Variants in ALDH3A1 observed in about 807,000 individuals in gnomAD.
ALDH3A1 encodes the protein aldehyde dehydrogenase 3 family member A1.
In ALDH3A1, 46 loss-of-function variants were observed where a neutral mutation model predicts 49.9. The observed-to-expected ratio is 0.92, with a 90% CI of 0.73 to 1.18. The LOEUF (loss-of-function observed/expected upper bound fraction) is 1.18, where lower values mean the gene tolerates loss of function less well. Ranked by LOEUF, ALDH3A1 falls within the 50% of genes most tolerant of loss-of-function variation. The probability of loss-of-function intolerance (pLI) is 0.00; values close to 1 mark genes in which losing one functional copy is unlikely to be tolerated. For synonymous variants in ALDH3A1, 269 were observed against 253.3 expected, an observed-to-expected ratio of 1.06 and a Z score of -0.59; for missense variants, 592 against 611.8, an observed-to-expected ratio of 0.97 and a Z score of 0.34.
At chr17:19,742,399 G>C in intron 4 of ALDH3A1, 146 bp downstream of exon 4, 1 of 1,106,960 alleles carries the variant, frequency 9.0e-7, no homozygotes, top group East Asian at 2.5e-5. Flanking sequence ...ACCCCAATGA[G>C]AGAGGGCAGC....
rs3744695 is a variant in ALDH3A1, at chr17:19,739,703, C to T, written c.950-29G>A. 8,212 of 1,611,126 alleles carry T rather than the reference C, an allele frequency of 5.1e-3. 285 individuals carry two copies. In the East Asian group the frequency reaches 0.097, roughly 19 times the overall value. ...AGGCAGGAAACAAGCCAGAGTTGGA[C>T]GGCGCAGAGACCCCCACGCGGATGG... is the stretch of plus-strand genomic sequence containing the variant. On this transcript the variant is annotated intron_variant, in intron 7 of 10. Coordinates refer to ENST00000225740, the MANE Select transcript of ALDH3A1 (RefSeq NM_000691.5).
At chr17:19,746,202 A>G (rs963437920) in intron 1 of ALDH3A1, among the ~76,000 whole-genome samples, 2 of 152,222 alleles carry the variant, frequency 1.3e-5, no homozygotes, top group African/African-American at 4.8e-5. Context: ...CAGCCTGGCC[A>G]ACATGGTGAA....
At position 19,740,394 on chromosome 17, in the gene ALDH3A1, C is replaced by A; in HGVS notation, c.891G>T (p.Leu297=). The A allele has an allele frequency of 6.2e-7, 1 of 1,614,138 alleles. No individual in the cohort carries two copies. Among genetic ancestry groups the A allele is most frequent in the South Asian group, 1.1e-5 (1 of 91,078 alleles). ...SARHFQRVMG[L]IEGQKVAYGG... Reference sequence around the variant, plus strand: ...CATAAGCCACCTTCTGGCCCTCAATCAGGCCCATCACCCTCTGGAAGTGCC... The same window carrying A: ...CATAAGCCACCTTCTGGCCCTCAATAAGGCCCATCACCCTCTGGAAGTGCC... The change falls in exon 7 of 11, where the codon CTG becomes CTT. Residue 297 remains leucine, a synonymous_variant. Coordinates refer to ENST00000225740, the MANE Select transcript of ALDH3A1 (RefSeq NM_000691.5).
At chr17:19,745,321 G>T (rs1327561105) in intron 1 of ALDH3A1, 187 bp from the exon 2 acceptor site, 1 of 583,844 alleles carries the variant, frequency 1.7e-6, no homozygotes, top group East Asian at 3.5e-5. Flanking sequence ...GGCCCTGGCT[G>T]CCTTGCTAGC....
At chr17:19,744,895 T>TCGCCCCCC in intron 2 of ALDH3A1, 73 bp downstream of exon 2, 1 of 924,176 alleles carries the variant, frequency 1.1e-6, no homozygotes, top group Non-Finnish European at 1.4e-6. Context: ...GGTCGCACTC[T>TCGCCCCCC]CCCCAGCCCC....
chr17:19,743,768 A>G lies in ALDH3A1; in HGVS notation c.163-305T>C. The G allele has an allele frequency of 1.1e-6, 1 of 940,020 alleles. No individual in the cohort carries two copies. Among genetic ancestry groups the G allele is most frequent in the Non-Finnish European group, 1.2e-6 (1 of 814,748 alleles). 58.2% of individuals were successfully genotyped at this position (940,020 alleles called of 1,614,324 possible). A position where few individuals can be genotyped will look rare whatever the true frequency, so the allele number is the denominator to read the frequency against. On this transcript the variant is annotated intron_variant, in intron 2 of 10. Coordinates refer to ENST00000225740, the MANE Select transcript of ALDH3A1 (RefSeq NM_000691.5). The surrounding 1 kb of genome is among the most constrained non-coding windows in gnomAD (Gnocchi z 4.4). The stretch of plus-strand genomic sequence containing the variant: ...CCAGGTAGGGGGAATAGAGCCGGGC[A>G]GGGGAGAGTAGATTCAGGCAGTGGG...
chr17:19,744,339 G>A, intron 2 of ALDH3A1: 2 of 865,582 alleles, frequency 2.3e-6, no homozygotes, highest in Non-Finnish European at 2.8e-6. Flanking sequence ...GGAGGCGGAG[G>A]TTGCAGTGAG....
rs376465259 is a variant in ALDH3A1, at chr17:19,743,183, C to T, written c.394+49G>A. On this transcript the variant is annotated intron_variant, in intron 3 of 10. Coordinates refer to ENST00000225740, the MANE Select transcript of ALDH3A1 (RefSeq NM_000691.5). The surrounding 1 kb of genome is among the most constrained non-coding windows in gnomAD (Gnocchi z 4.4). ...CTGAGCCCATCCTGGCTTGGCTCCA[C>T]GCTGGGGGACGGTGCTCCCCCAGCT... 21 of 1,605,732 alleles carry T rather than the reference C, an allele frequency of 1.3e-5. No homozygotes were observed. The highest frequency in any genetic ancestry group is 6.7e-5 in the African/African-American group (5 of 74,896).
intron 7 of ALDH3A1, 25 bp downstream of exon 7, chr17:19,740,311 G>T: frequency 6.2e-7 from 1 of 1,610,678 alleles, no homozygotes. Flanking sequence ...GGGCAGGTGG[G>T]CTGTGCTCTT....
At chr17:19,741,362 C>T in intron 5 of ALDH3A1, 152 bp from the exon 6 acceptor site, 1 of 618,166 alleles carries the variant, frequency 1.6e-6, no homozygotes, top group Non-Finnish European at 2.9e-6. Context: ...CTTCTAGACA[C>T]TGGACCGAGC....
chr17:19,740,796 C>T (rs1342224790), intron 6 of ALDH3A1, among the ~76,000 whole-genome samples: 7 of 152,094 alleles, frequency 4.6e-5, no homozygotes, highest in Non-Finnish European at 1.0e-4. Flanking sequence ...GCTGAGACAA[C>T]AGGCATGCAC....
intron 5 of ALDH3A1, among the ~76,000 whole-genome samples, chr17:19,741,631 C>T (rs1172503440): frequency 6.6e-6 from 1 of 152,186 alleles, no homozygotes; most frequent in South Asian, 2.1e-4. Flanking sequence ...CCCTCTGGGC[C>T]TGCTCTCCAG....
chr17:19,744,976 G>T lies in ALDH3A1; in HGVS notation c.154C>A (p.Leu52Met), dbSNP rs2086573729. The T allele has an allele frequency of 1.3e-6, 2 of 1,571,078 alleles. No individual in the cohort carries two copies. Among genetic ancestry groups the T allele is most frequent in the African/African-American group, 1.4e-5 (1 of 72,062 alleles). ...CCGCCCAGCCTGAGCACCTTGTGCAGGTCTGCGGCCAGCGCGCCCACCAGC... is the reference window on the plus strand; with the variant it reads ...CCGCCCAGCCTGAGCACCTTGTGCATGTCTGCGGCCAGCGCGCCCACCAGC... ...QELVGALAAD[L>M]HKNEWNAYYE... The change falls in exon 2 of 11, where the codon CTG becomes ATG. Residue 52 changes from leucine (L) to methionine (M), a missense_variant. By Grantham distance (15) the Leu-to-Met change is conservative. Coordinates refer to ENST00000225740, the MANE Select transcript of ALDH3A1 (RefSeq NM_000691.5).
At chr17:19,745,217 A>T in intron 1 of ALDH3A1, 83 bp from the exon 2 acceptor site, 3 of 1,394,160 alleles carry the variant, frequency 2.2e-6, no homozygotes, top group Non-Finnish European at 1.9e-6. Context: ...ATAGGAAGGG[A>T]CTTCCCTGGG....
chr17:19,741,125 G>T lies in ALDH3A1; in HGVS notation c.775C>A (p.Gln259Lys). The change falls in exon 6 of 11, where the codon CAA becomes AAA. Residue 259 changes from glutamine to lysine, a missense_variant. Physicochemically the swap from Gln to Lys is moderately conservative, Grantham distance 53. Transcript: ENST00000225740. ...YILCDPSIQN[Q>K]IVEKLKKSLK... ...GACTTCTTGAGCTTCTCCACAATTT[G>T]GTTCTGGATCGAGGGGTCACAGAGG... The T allele has an allele frequency of 6.2e-7, 1 of 1,614,068 alleles. No homozygotes were observed. Among genetic ancestry groups the T allele is most frequent in the South Asian group, 1.1e-5 (1 of 91,058 alleles).
Position 19,739,504 on chromosome 17 carries a change from C to T in ALDH3A1, c.1116+4G>A. 6.2e-7 allele frequency: 1 copy of T among 1,606,636 alleles called. No individual in the cohort carries two copies. Among genetic ancestry groups the T allele is most frequent in the Non-Finnish European group, 8.5e-7 (1 of 1,177,240 alleles). ...GCAGAGGGCACCCCAGGCCCACCAC[C>T]CACCTTGTCGTTGCTGGAGAACATG... On this transcript the variant is annotated splice_donor_region_variant and intron_variant, in intron 8 of 10. Transcript: ENST00000225740.
Position 19,742,527 on chromosome 17 carries a change from C to T in ALDH3A1, c.480+18G>A. 6.2e-7 allele frequency: 1 copy of T among 1,609,050 alleles called. No individual in the cohort carries two copies. Among genetic ancestry groups the T allele is most frequent in the Non-Finnish European group, 8.5e-7 (1 of 1,176,762 alleles). ...GTTATGAGGCCATGGAGTTACGAGG[C>T]CCTGGAGGGCAACTCACCTTGTCCA... On this transcript the variant is annotated intron_variant, in intron 4 of 10. Transcript: ENST00000225740.
chr17:19,743,678 A>G lies in ALDH3A1; in HGVS notation c.163-215T>C, dbSNP rs1198125776. 1.0e-6 allele frequency: 1 copy of G among 985,106 alleles called. No individual in the cohort carries two copies. Among genetic ancestry groups the G allele is most frequent in the Non-Finnish European group, 1.2e-6 (1 of 829,840 alleles). The allele number at this position is 985,106 out of a possible 1,614,324, so 61.0% of individuals were successfully genotyped here. Reference sequence around the variant, plus strand: ...ACCCCTTTCTGCCAGAGGGGGGCCCAGGTAGGTTTGCGGCCCCAGGGGAGA... The same window carrying G: ...ACCCCTTTCTGCCAGAGGGGGGCCCGGGTAGGTTTGCGGCCCCAGGGGAGA... On this transcript the variant is annotated intron_variant, in intron 2 of 10. Coordinates refer to ENST00000225740, the MANE Select transcript of ALDH3A1 (RefSeq NM_000691.5). The surrounding 1 kb of genome is among the most constrained non-coding windows in gnomAD (Gnocchi z 4.4).
Position 19,738,119 on chromosome 17 carries a change from TG to T in ALDH3A1, c.*101del. 1 of 1,603,256 alleles carries T rather than the reference TG, an allele frequency of 6.2e-7. No individual in the cohort carries two copies. Among genetic ancestry groups the T allele is most frequent in the Non-Finnish European group, 8.5e-7 (1 of 1,179,134 alleles). The stretch of plus-strand genomic sequence containing the variant: ...GGTCAGCAGAGGAGTGGGGCTGGGC[TG>T]GGGCTGCAGGAGCGATTCTCCCAGG... On this transcript the variant is annotated 3_prime_UTR_variant, in exon 11 of 11. Coordinates refer to ENST00000225740, the MANE Select transcript of ALDH3A1 (RefSeq NM_000691.5).
Sources: gnomAD v4.1 joint callset for allele counts (sites outside exome capture counted in the v4.1 genomes callset) on GRCh38, gnomAD v4.1.1 for gene constraint, Gnocchi (gnomAD v3.1) non-coding constraint, MANE v1.5 for transcripts, NCBI Gene and HGNC (gene_info 2026-07-23, HGNC 2026-07-21) for gene names.